Variants in NEK6 observed in about 807,000 individuals in gnomAD.
NEK6 encodes the protein NIMA related kinase 6.
A neutral mutation model predicts 43.5 loss-of-function variants in NEK6; 27 were observed. The ratio of observed to expected loss-of-function variants is 0.62; its 90% CI spans 0.46 to 0.86. NEK6 has a LOEUF of 0.86. Ranked by LOEUF, NEK6 falls within the 40% of genes least tolerant of loss-of-function variation. The pLI is 0.00. For synonymous variants in NEK6, 167 were observed against 164.1 expected, an observed-to-expected ratio of 1.02 and a Z score of -0.14; for missense variants, 318 against 414.4, an observed-to-expected ratio of 0.77 and a Z score of 2.02.
chr9:124,317,784 T>C (rs1490266848), intron 4 of NEK6, among the ~76,000 whole-genome samples: 1 of 152,328 alleles, frequency 6.6e-6, no homozygotes, highest in East Asian at 1.9e-4. Flanking sequence ...AGTATAGATA[T>C]GTTTCTGTGT....
chr9:124,300,094 C>T (rs2099239301), intron 1 of NEK6: 2 of 152,250 alleles, frequency 1.3e-5, no homozygotes, highest in African/African-American at 2.4e-5. Flanking sequence ...GGGAGCCAGC[C>T]TGCAAGTTCT....
intron 7 of NEK6, among the ~76,000 whole-genome samples, chr9:124,335,960 C>T (rs532303255): frequency 4.6e-5 from 7 of 152,042 alleles, no homozygotes; most frequent in African/African-American, 1.4e-4. Context: ...GAATTTTAGG[C>T]GGGGCGTGGT....
chr9:124,299,153 GC>G (rs1012235483), intron 1 of NEK6, among the ~76,000 whole-genome samples: 2 of 152,256 alleles, frequency 1.3e-5, no homozygotes, highest in Admixed American at 1.3e-4. Context: ...TACATGGGAG[GC>G]CCCAGGGCAG....
chr9:124,285,247 G>A (rs1309484808), intron 1 of NEK6, among the ~76,000 whole-genome samples: 2 of 152,116 alleles, frequency 1.3e-5, no homozygotes, highest in Admixed American at 6.6e-5. Context: ...CAGACTTTTC[G>A]GGAAGCCCTC....
chr9:124,292,724 C>T, intron 1 of NEK6: 1 of 1,121,398 alleles, frequency 8.9e-7, no homozygotes, highest in African/African-American at 1.6e-5. Flanking sequence ...CAGGCTTCTC[C>T]CTCCTGGCCT....
At chr9:124,331,486 TG>T in intron 7 of NEK6, among the ~76,000 whole-genome samples, 1 of 152,072 alleles carries the variant, frequency 6.6e-6, no homozygotes, top group Non-Finnish European at 1.5e-5. Flanking sequence ...AGGGAGGGTT[TG>T]GGTTGTGGGT....
At chr9:124,293,567 G>C (rs2119070027) in intron 1 of NEK6, among the ~76,000 whole-genome samples, 1 of 152,278 alleles carries the variant, frequency 6.6e-6, no homozygotes, top group East Asian at 1.9e-4. Flanking sequence ...TTTTCAAAAA[G>C]GCCCTGGGAA....
chr9:124,284,333 C>A (rs2416930), intron 1 of NEK6, among the ~76,000 whole-genome samples: 1 of 151,990 alleles, frequency 6.6e-6, no homozygotes, highest in Admixed American at 6.5e-5. Flanking sequence ...TGGGCGAAGA[C>A]CGAGACTCCG....
chr9:124,345,595 G>T (rs1432028510), intron 8 of NEK6, among the ~76,000 whole-genome samples: 1 of 152,196 alleles, frequency 6.6e-6, no homozygotes, highest in Non-Finnish European at 1.5e-5. Context: ...ATAAAATTGA[G>T]ATCAAATGGG....
intron 1 of NEK6, among the ~76,000 whole-genome samples, chr9:124,281,487 CTTTTTTTTT>C (rs759381068): frequency 2.1e-4 from 22 of 102,964 alleles, no homozygotes; most frequent in Admixed American, 4.3e-4. Flanking sequence ...GCTGTTTTTT[CTTTTTTTTT>C]TTTTTTTTTT....
chr9:124,335,943 C>T (rs1829269159), intron 7 of NEK6, among the ~76,000 whole-genome samples: 1 of 151,962 alleles, frequency 6.6e-6, no homozygotes, highest in African/African-American at 2.4e-5. Flanking sequence ...GAACCTCTCT[C>T]TACAAAGAAT....
intron 1 of NEK6, chr9:124,292,010 G>C: frequency 1.0e-6 from 1 of 989,784 alleles, no homozygotes; most frequent in Non-Finnish European, 1.2e-6. Flanking sequence ...GCTCCCTGGA[G>C]GCCCAGGCAC....
At chr9:124,295,283 G>A (rs1480722698) in intron 1 of NEK6, among the ~76,000 whole-genome samples, 1 of 152,226 alleles carries the variant, frequency 6.6e-6, no homozygotes, top group African/African-American at 2.4e-5. Flanking sequence ...GGGAACACAG[G>A]ACCCGGCCGG....
At chr9:124,350,251 T>TA (rs1438780269) in intron 9 of NEK6, among the ~76,000 whole-genome samples, 1 of 152,202 alleles carries the variant, frequency 6.6e-6, no homozygotes, top group Non-Finnish European at 1.5e-5. Context: ...TAATTACCAT[T>TA]AAAATAATTG....
intron 1 of NEK6, among the ~76,000 whole-genome samples, chr9:124,260,263 C>A (rs1314508376): frequency 1.3e-5 from 2 of 152,182 alleles, no homozygotes; most frequent in African/African-American, 4.8e-5. Context: ...CACATCCGTT[C>A]ATTTTCTGCT....
rs759381068 is a variant in NEK6 at position 124,281,487 on chromosome 9, CTTTTTTTTTTTT to C, written c.-29-20430_-29-20419del. ...CTACTTTCCATGTCAGCTGTTTTTT[CTTTTTTTTTTTT>C]TTTTTTTTTTTTTTTTTTGGAGGCA... On this transcript the variant is annotated intron_variant, in intron 1 of 9. Transcript: ENST00000320246. Among the ~76,000 whole-genome samples, 413 of 102,968 alleles carry C rather than the reference CTTTTTTTTTTTT, an allele frequency of 4.0e-3. 9 individuals are homozygous for C. Among genetic ancestry groups the C allele is most frequent in the East Asian group, 0.029 (90 of 3,130 alleles). The allele number at this position is 102,968 out of a possible 152,430, so 67.6% of individuals were successfully genotyped here. A position where few individuals can be genotyped will look rare whatever the true frequency, so the allele number is the denominator to read the frequency against.
chr9:124,289,876 C>T (rs1832330707), intron 1 of NEK6, among the ~76,000 whole-genome samples: 1 of 152,218 alleles, frequency 6.6e-6, no homozygotes, highest in Non-Finnish European at 1.5e-5. Context: ...CAAGACCATG[C>T]AGCCCTATGG....
At chr9:124,342,065 G>A (rs1416498082) in intron 8 of NEK6, among the ~76,000 whole-genome samples, 1 of 152,168 alleles carries the variant, frequency 6.6e-6, no homozygotes, top group Non-Finnish European at 1.5e-5. Context: ...ATCCAGGCAG[G>A]TGGCCACTCT....
chr9:124,291,553 G>C (rs546641347), intron 1 of NEK6, among the ~76,000 whole-genome samples: 1 of 152,202 alleles, frequency 6.6e-6, no homozygotes, highest in Non-Finnish European at 1.5e-5. Context: ...TTGAACCTCG[G>C]AGGCGGAGGT....
Sources: allele counts gnomAD v4.1 joint callset (sites outside exome capture counted in the v4.1 genomes callset), GRCh38; gene constraint gnomAD v4.1.1; transcripts MANE v1.5; gene names NCBI Gene and HGNC (gene_info 2026-07-23, HGNC 2026-07-21).